The following NAALADL2 variants were observed in gnomAD, a reference collection of about 807,000 sequenced individuals.
The protein encoded by NAALADL2 is inactive N-acetylated-alpha-linked acidic dipeptidase-like protein 2.
Under a neutral mutation model 87.2 loss-of-function variants are expected in NAALADL2, and 76 were observed. The ratio of observed to expected loss-of-function variants is 0.87; its 90% CI spans 0.72 to 1.05. NAALADL2 has a LOEUF of 1.05. Among genes scored for constraint, NAALADL2 ranks in the 50% least tolerant of loss-of-function variants. NAALADL2 has a pLI of 0.00. For missense variants in NAALADL2, 1,089 were observed against 945.8 expected, an observed-to-expected ratio of 1.15 and a Z score of -1.99; for synonymous variants, 354 against 331.0, an observed-to-expected ratio of 1.07 and a Z score of -0.75.
chr3:174,784,601 G>A (rs1284640025), intron 3 of NAALADL2, among the ~76,000 whole-genome samples: 1 of 152,216 alleles, frequency 6.6e-6, no homozygotes, highest in Non-Finnish European at 1.5e-5. Context: ...GGGGAAGACA[G>A]CATCAACATT....
At chr3:175,783,703 C>T (rs1429483231) in intron 13 of NAALADL2, among the ~76,000 whole-genome samples, 1 of 151,252 alleles carries the variant, frequency 6.6e-6, no homozygotes, top group Non-Finnish European at 1.5e-5. Context: ...TTTCCTTCTC[C>T]TGCCTAATTG....
chr3:175,674,365 T>C (rs1734463691), intron 11 of NAALADL2, among the ~76,000 whole-genome samples: 1 of 151,906 alleles, frequency 6.6e-6, no homozygotes, highest in Non-Finnish European at 1.5e-5. Flanking sequence ...GTTCGCGCCA[T>C]TCTCCTGCCT....
At chr3:174,756,454 A>G (rs1279117020) in intron 3 of NAALADL2, among the ~76,000 whole-genome samples, 3 of 152,244 alleles carry the variant, frequency 2.0e-5, no homozygotes, top group East Asian at 3.8e-4. Flanking sequence ...TTTACTATGT[A>G]CACTCTTTAG....
chr3:175,007,468 A>G (rs1749188003), intron 1 of NAALADL2, among the ~76,000 whole-genome samples: 1 of 152,216 alleles, frequency 6.6e-6, no homozygotes, highest in African/African-American at 2.4e-5. Flanking sequence ...TGAATATCCT[A>G]GTTCATTTTT....
intron 1 of NAALADL2, among the ~76,000 whole-genome samples, chr3:175,018,873 C>A (rs1331926805): frequency 1.3e-5 from 2 of 151,858 alleles, no homozygotes; most frequent in East Asian, 1.9e-4. Flanking sequence ...ATAGAAAAAA[C>A]AGCATAAAGG....
At chr3:174,918,709 C>T (rs1734743125) in intron 1 of NAALADL2, among the ~76,000 whole-genome samples, 1 of 152,146 alleles carries the variant, frequency 6.6e-6, no homozygotes. Context: ...TCAGAACTAG[C>T]ACACTAATGA....
chr3:175,538,590 G>A (rs1477941388), intron 9 of NAALADL2, among the ~76,000 whole-genome samples: 1 of 152,122 alleles, frequency 6.6e-6, no homozygotes, highest in East Asian at 1.9e-4. Context: ...TATAGGAATA[G>A]ATAGATAGAG....
At chr3:175,042,177 T>C (rs1754151192) in intron 1 of NAALADL2, among the ~76,000 whole-genome samples, 1 of 152,176 alleles carries the variant, frequency 6.6e-6, no homozygotes, top group Admixed American at 6.5e-5. Flanking sequence ...GATAGTTGCC[T>C]TTCTGTGTCT....
At chr3:175,324,788 T>A (rs544799998) in intron 5 of NAALADL2, among the ~76,000 whole-genome samples, 1 of 152,336 alleles carries the variant, frequency 6.6e-6, no homozygotes, top group South Asian at 2.1e-4. Context: ...GAAGAATGGA[T>A]TTAATATGAT....
intron 1 of NAALADL2, among the ~76,000 whole-genome samples, chr3:174,509,136 G>A (rs1410227664): frequency 1.3e-5 from 2 of 148,468 alleles, no homozygotes; most frequent in Middle Eastern, 3.4e-3. Flanking sequence ...TTCTTTTACT[G>A]GCTTATGTGT....
chr3:174,761,376 AG>A (rs1291736823), intron 3 of NAALADL2, among the ~76,000 whole-genome samples: 1 of 152,172 alleles, frequency 6.6e-6, no homozygotes, highest in Non-Finnish European at 1.5e-5. Flanking sequence ...TTTAAAATAA[AG>A]TCTTAAGTGT....
chr3:174,691,451 A>G (rs1728573658), intron 2 of NAALADL2, among the ~76,000 whole-genome samples: 1 of 149,410 alleles, frequency 6.7e-6, no homozygotes, highest in Non-Finnish European at 1.5e-5. Flanking sequence ...AAAAAAACTG[A>G]ATTGCTAAAA....
chr3:175,319,755 G>A (rs1759602750), intron 4 of NAALADL2, among the ~76,000 whole-genome samples: 1 of 152,192 alleles, frequency 6.6e-6, no homozygotes, highest in African/African-American at 2.4e-5. Context: ...GGGAGGTGGA[G>A]GTTGTGGTGA....
Position 174,957,696 on chromosome 3 carries a change from A to G in NAALADL2, c.43+98246A>G, listed in dbSNP as rs150742265. Among the ~76,000 whole-genome samples the G allele has an allele frequency of 9.5e-4, 144 of 152,082 alleles. 1 individual carries two copies. Among genetic ancestry groups the G allele is most frequent in the African/African-American group, 3.3e-3 (135 of 41,502 alleles). On this transcript the variant is annotated intron_variant, in intron 1 of 13. Transcript: ENST00000454872. ...TTTGATTTATTTTTAGGCTTGGAAT[A>G]GAATCTTTAAATGAATAGCATATTA... is the stretch of plus-strand genomic sequence containing the variant.
chr3:175,670,014 C>T (rs1003885080), intron 11 of NAALADL2, among the ~76,000 whole-genome samples: 1 of 151,924 alleles, frequency 6.6e-6, no homozygotes, highest in South Asian at 2.1e-4. Context: ...ATAGCAAACA[C>T]AAATGTAGAG....
chr3:174,618,095 C>T (rs75323374), intron 2 of NAALADL2, among the ~76,000 whole-genome samples: 7,114 of 151,754 alleles, frequency 0.047, 580 homozygotes, highest in African/African-American at 0.16. Context: ...AATTTTTCTT[C>T]TTGGATGCCT....
intron 3 of NAALADL2, among the ~76,000 whole-genome samples, chr3:174,819,127 G>A (rs1158876855): frequency 8.9e-6 from 1 of 112,114 alleles, no homozygotes; most frequent in Non-Finnish European, 1.6e-5. Flanking sequence ...GCACAATCTC[G>A]ACTCATTGCA....
At chr3:175,279,308 T>C (rs1269842485) in intron 4 of NAALADL2, among the ~76,000 whole-genome samples, 2 of 152,240 alleles carry the variant, frequency 1.3e-5, no homozygotes, top group East Asian at 1.9e-4. Flanking sequence ...TAAAATATTC[T>C]AGCAACGGCT....
intron 2 of NAALADL2, among the ~76,000 whole-genome samples, chr3:175,119,730 A>AT (rs1725843973): frequency 3.7e-5 from 3 of 80,386 alleles, no homozygotes; most frequent in Admixed American, 1.2e-4. Flanking sequence ...GTAAAATAAG[A>AT]ATAGATATAT....
Sources: allele counts gnomAD v4.1 joint callset (sites outside exome capture counted in the v4.1 genomes callset), GRCh38; gene constraint gnomAD v4.1.1; transcripts MANE v1.5; gene names NCBI Gene and HGNC (gene_info 2026-07-23, HGNC 2026-07-21).